Variants in NAPB observed in about 807,000 individuals in gnomAD.
NAPB encodes beta-soluble NSF attachment protein.
Under a neutral mutation model 44.7 loss-of-function variants are expected in NAPB, and 26 were observed. The ratio of observed to expected loss-of-function variants is 0.58; its 90% CI spans 0.43 to 0.81. The LOEUF (loss-of-function observed/expected upper bound fraction) is 0.81. Ranked by LOEUF, NAPB falls within the 30% of genes least tolerant of loss-of-function variation. NAPB has a pLI of 0.00. For synonymous variants in NAPB, 120 were observed against 116.8 expected, an observed-to-expected ratio of 1.03 and a Z score of -0.18; for missense variants, 315 against 356.4, an observed-to-expected ratio of 0.88 and a Z score of 0.94.
chr20:23,394,859 G>C, intron 5 of NAPB, 63 bp downstream of exon 5: 1 of 1,495,894 alleles, frequency 6.7e-7, no homozygotes, highest in Non-Finnish European at 9.3e-7. Context: ...CTGAGGAGAG[G>C]AGAGTTCTTT....
At chr20:23,410,935 A>T (rs1379435418) in intron 1 of NAPB, among the ~76,000 whole-genome samples, 1 of 152,224 alleles carries the variant, frequency 6.6e-6, no homozygotes, top group Non-Finnish European at 1.5e-5. Flanking sequence ...CTAGAAGGAT[A>T]GAAATAAAAA....
chr20:23,404,386 A>G (rs1344594425), intron 1 of NAPB, among the ~76,000 whole-genome samples: 1 of 152,156 alleles, frequency 6.6e-6, no homozygotes. Context: ...CACACGTGTT[A>G]GGAACTCCAT....
chr20:23,375,854 T>C lies in NAPB; in HGVS notation c.*1522A>G, dbSNP rs1379121297. ...CCTGCAAGTCCTCGTGGCCACCTGA[T>C]GTGGATCCTCTACAGTCTGTCCTTG... On this transcript the variant is annotated 3_prime_UTR_variant, in exon 11 of 11. Transcript: ENST00000377026. The C allele has an allele frequency of 6.6e-6, 1 of 152,402 alleles. No homozygotes were observed. Among genetic ancestry groups the C allele is most frequent in the Non-Finnish European group, 1.5e-5 (1 of 68,136 alleles). The allele number at this position is 152,402 out of a possible 1,614,324, so 9.4% of individuals were successfully genotyped here.
chr20:23,383,899 T>C (rs956370196), intron 7 of NAPB, among the ~76,000 whole-genome samples: 4 of 152,132 alleles, frequency 2.6e-5, no homozygotes, highest in Non-Finnish European at 4.4e-5. Flanking sequence ...ATATATTGAA[T>C]AGGGGGAGTA....
intron 1 of NAPB, among the ~76,000 whole-genome samples, chr20:23,407,248 T>C (rs761053079): frequency 7.2e-5 from 11 of 152,370 alleles, no homozygotes; most frequent in Non-Finnish European, 1.3e-4. Context: ...TTTTGTTTTA[T>C]GTGAAAGTTA....
chr20:23,419,119 TAAC>T (rs1484260829), intron 1 of NAPB, among the ~76,000 whole-genome samples: 3 of 152,228 alleles, frequency 2.0e-5, no homozygotes, highest in African/African-American at 7.2e-5. Context: ...TTTATAAACA[TAAC>T]CTCACTGAAC....
chr20:23,406,617 C>T (rs1419353959), intron 1 of NAPB, among the ~76,000 whole-genome samples: 3 of 151,654 alleles, frequency 2.0e-5, no homozygotes, highest in Non-Finnish European at 1.5e-5. Context: ...TGTCCCTTTC[C>T]CTCCACTTCA....
At chr20:23,414,956 T>A (rs1166724131) in intron 1 of NAPB, among the ~76,000 whole-genome samples, 1 of 144,830 alleles carries the variant, frequency 6.9e-6, no homozygotes, top group African/African-American at 2.5e-5. Context: ...ATTTTAAGTA[T>A]AATATTTTGA....
Position 23,421,481 on chromosome 20 carries a change from G to T in NAPB, c.-79C>A, listed in dbSNP as rs1986439309. 3 of 1,289,082 alleles carry T rather than the reference G, an allele frequency of 2.3e-6. No individual in the cohort carries two copies. Among genetic ancestry groups the T allele is most frequent in the Admixed American group, 2.7e-5 (1 of 37,072 alleles). The allele number at this position is 1,289,082 out of a possible 1,614,324, so 79.9% of individuals were successfully genotyped here. ...CGCCTTAACCCTCCCTCTGGCGGCC[G>T]CAGGGACGCAGGCGCAGGCGCGACG... On this transcript the variant is annotated 5_prime_UTR_variant, in exon 1 of 11. Transcript: ENST00000377026.
chr20:23,401,863 A>C (rs1003477642), intron 2 of NAPB, among the ~76,000 whole-genome samples: 1 of 152,256 alleles, frequency 6.6e-6, no homozygotes, highest in Non-Finnish European at 1.5e-5. Context: ...CTTGGGCTGC[A>C]GAGTGAGACT....
At chr20:23,387,622 T>G (rs1028719497) in intron 7 of NAPB, among the ~76,000 whole-genome samples, 19 of 151,950 alleles carry the variant, frequency 1.3e-4, no homozygotes, top group Admixed American at 1.2e-3. Context: ...ATTAAGAAAA[T>G]AATTCAATTT....
At chr20:23,381,142 C>G (rs981334082) in intron 8 of NAPB, 71 bp downstream of exon 8, 4 of 1,037,810 alleles carry the variant, frequency 3.9e-6, no homozygotes, top group Admixed American at 3.6e-5. Context: ...GAAATGATAC[C>G]AAGAACAAGA....
chr20:23,393,079 C>T (rs1317917998), intron 5 of NAPB, among the ~76,000 whole-genome samples: 2 of 152,124 alleles, frequency 1.3e-5, no homozygotes, highest in Non-Finnish European at 2.9e-5. Context: ...TGTGGCCATC[C>T]CAGACACCCT....
intron 1 of NAPB, among the ~76,000 whole-genome samples, chr20:23,403,322 G>C (rs1022583952): frequency 6.6e-5 from 10 of 152,192 alleles, no homozygotes; most frequent in Admixed American, 2.0e-4. Context: ...CAAACACAGG[G>C]CAGGGCATGA....
chr20:23,380,624 G>A (rs1179095293), intron 8 of NAPB: 1 of 152,562 alleles, frequency 6.6e-6, no homozygotes, highest in Admixed American at 6.5e-5. Context: ...ACAGGTTCAA[G>A]TGATTCTCCT....
chr20:23,386,613 C>G (rs1179210154), intron 7 of NAPB, among the ~76,000 whole-genome samples: 2 of 152,226 alleles, frequency 1.3e-5, no homozygotes, highest in Admixed American at 1.3e-4. Context: ...ATCTATGTCA[C>G]TGGACCCCAA....
intron 10 of NAPB, 122 bp from the exon 11 acceptor site, chr20:23,377,608 A>T: frequency 2.2e-6 from 1 of 444,970 alleles, no homozygotes; most frequent in Admixed American, 4.3e-5. Context: ...TCATCATTTG[A>T]AATTAATCAT....
intron 7 of NAPB, among the ~76,000 whole-genome samples, chr20:23,387,838 C>A (rs6083105): frequency 0.37 from 56,679 of 151,868 alleles, 10,921 homozygotes; most frequent in East Asian, 0.63. Context: ...TTATGTGTCA[C>A]CTTGAGTGGG....
At chr20:23,378,112 G>C (rs1330944208) in intron 10 of NAPB, among the ~76,000 whole-genome samples, 1 of 149,470 alleles carries the variant, frequency 6.7e-6, no homozygotes, top group Non-Finnish European at 1.5e-5. Flanking sequence ...GGAGTTAAGA[G>C]ACCAGCCTGG....
Sources: gnomAD v4.1 joint callset for allele counts (sites outside exome capture counted in the v4.1 genomes callset) on GRCh38, gnomAD v4.1.1 for gene constraint, MANE v1.5 for transcripts, NCBI Gene and HGNC (gene_info 2026-07-23, HGNC 2026-07-21) for gene names.